DCP1A: variants seen among roughly 807,000 people sequenced by gnomAD.
The protein encoded by DCP1A is decapping mRNA 1A, also known as mRNA-decapping enzyme 1A.
A neutral mutation model predicts 58.0 loss-of-function variants in DCP1A; 20 were observed. The observed-to-expected ratio is 0.34, with a 90% CI of 0.24 to 0.50. The LOEUF (loss-of-function observed/expected upper bound fraction) is 0.50. DCP1A is among the 20% of genes least tolerant of loss of function. The probability of loss-of-function intolerance (pLI) is 0.98; values close to 1 mark genes in which losing one functional copy is unlikely to be tolerated. For synonymous variants in DCP1A, 285 were observed against 275.1 expected (o/e 1.04, Z -0.36); for missense variants, 613 against 712.2 (o/e 0.86, Z 1.59).
intron 3 of DCP1A, among the ~76,000 whole-genome samples, chr3:53,336,020 G>C (rs764436921): frequency 1.3e-5 from 2 of 151,968 alleles, no homozygotes; most frequent in South Asian, 4.1e-4. Flanking sequence ...TGTTGGTCTT[G>C]AACTCCTGGG....
intron 3 of DCP1A, among the ~76,000 whole-genome samples, chr3:53,339,631 A>G (rs200728936): frequency 6.6e-6 from 1 of 152,176 alleles, no homozygotes; most frequent in East Asian, 1.9e-4. Context: ...TTTCCAGACA[A>G]CTGAAGCTCT....
rs782782028 is a variant in DCP1A, at chr3:53,344,910, T to C, written c.168A>G (p.Val56=). Residue 56 remains valine, a synonymous_variant, in exon 2 of 10, where the codon GTA becomes GTG. Coordinates refer to ENST00000610213, the MANE Select transcript of DCP1A (RefSeq NM_018403.7). ...ATATTTTAAAAACTTACCTTCGATA[T>C]ACGAATAAGGTCCCTTCTATATCAG... The part of the protein sequence containing the change: ...EKTDIEGTLF[V]YRRSASPYHG... The C allele has an allele frequency of 1.2e-6, 2 of 1,603,388 alleles. No individual in the cohort carries two copies. The highest frequency in any genetic ancestry group is 1.3e-5 in the African/African-American group (1 of 74,620).
At chr3:53,323,309 A>C (rs546818518) in intron 3 of DCP1A, among the ~76,000 whole-genome samples, 281 of 152,348 alleles carry the variant, frequency 1.8e-3, no homozygotes, top group South Asian at 2.7e-3. Context: ...CTTGTTACAG[A>C]GATAATTATT....
At chr3:53,314,667 CTTTTTTTTTTT>C (rs1167830951) in intron 4 of DCP1A, among the ~76,000 whole-genome samples, 25 of 86,722 alleles carry the variant, frequency 2.9e-4, no homozygotes, top group African/African-American at 1.1e-3. Context: ...TTTTCTTTTT[CTTTTTTTTTTT>C]TTTTTTTTTT....
chr3:53,315,019 TC>T (rs1332156863), intron 4 of DCP1A, among the ~76,000 whole-genome samples: 3 of 152,026 alleles, frequency 2.0e-5, no homozygotes, highest in Non-Finnish European at 4.4e-5. Context: ...GCAGAAGCTG[TC>T]GGGGGTGGTA....
chr3:53,324,205 G>A (rs2106861367), intron 3 of DCP1A, among the ~76,000 whole-genome samples: 1 of 152,294 alleles, frequency 6.6e-6, no homozygotes, highest in Non-Finnish European at 1.5e-5. Context: ...AGATAAGAAA[G>A]CCATAATGAT....
At chr3:53,293,717 A>G (rs927494080) in intron 6 of DCP1A, among the ~76,000 whole-genome samples, 1 of 152,218 alleles carries the variant, frequency 6.6e-6, no homozygotes, top group African/African-American at 2.4e-5. Flanking sequence ...AAAGTCTGTA[A>G]GGCCCCAAAG....
At chr3:53,345,013 T>C in intron 1 of DCP1A, 71 bp from the exon 2 acceptor site, 1 of 1,164,320 alleles carries the variant, frequency 8.6e-7, no homozygotes, top group Non-Finnish European at 1.2e-6. Context: ...CATGGAGAAG[T>C]AATGCTTCAC....
intron 8 of DCP1A, 140 bp from the exon 9 acceptor site, chr3:53,288,423 CAGT>C: frequency 1.6e-6 from 1 of 637,396 alleles, no homozygotes; most frequent in South Asian, 1.9e-5. Context: ...GGTAAACATT[CAGT>C]AGGAACATGT....
chr3:53,288,286 G>C lies in DCP1A; in HGVS notation c.1450-3C>G. On this transcript the variant is annotated splice_polypyrimidine_tract_variant and splice_region_variant and intron_variant, in intron 8 of 9. Transcript: ENST00000610213. The stretch of plus-strand genomic sequence containing the variant: ...GTAACCAGTGGGGCGCCTGCAACCT[G>C]GAGAGTGACAATGGTCATTTTGTAC... 6.2e-7 allele frequency: 1 copy of C among 1,601,808 alleles called. No homozygotes were observed. Among genetic ancestry groups the C allele is most frequent in the Non-Finnish European group, 8.5e-7 (1 of 1,173,968 alleles).
intron 3 of DCP1A, among the ~76,000 whole-genome samples, chr3:53,320,449 T>C (rs1275002633): frequency 6.6e-6 from 1 of 152,170 alleles, no homozygotes; most frequent in Non-Finnish European, 1.5e-5. Context: ...ATTGCTACCA[T>C]GTGGGCCCAT....
chr3:53,286,830 T>G lies in DCP1A; in HGVS notation c.*750A>C, dbSNP rs2106780826. The G allele has an allele frequency of 6.6e-6, 1 of 152,318 alleles. No individual in the cohort carries two copies. Among genetic ancestry groups the G allele is most frequent in the Middle Eastern group, 3.4e-3 (1 of 294 alleles). The allele number at this position is 152,318 out of a possible 1,614,324, so 9.4% of individuals were successfully genotyped here. ...GGAGAGTTTAACCTAAAATGAAGAT[T>G]TGATAGGATGTGGGCATTCCCAGCC... On this transcript the variant is annotated 3_prime_UTR_variant, in exon 10 of 10. Coordinates refer to ENST00000610213, the MANE Select transcript of DCP1A (RefSeq NM_018403.7).
At position 53,312,338 on chromosome 3, in the gene DCP1A, C is replaced by T. The variant is rs782145277; in HGVS notation, c.413G>A (p.Arg138Gln). Residue 138 changes from arginine to glutamine, a missense_variant, in exon 5 of 10, where the codon CGG becomes CAG. Arg to Gln is a conservative substitution (Grantham distance 43). Around this residue, in one of 3 missense-constraint regions of DCP1A, gnomAD observed 498 missense variants for 556.7 expected, o/e 0.89. Coordinates refer to ENST00000610213, the MANE Select transcript of DCP1A (RefSeq NM_018403.7). ...GGCCTGGCTGGGACTCTGTTTGTCCCGAGCAGCTTGCTGGGATCGCCGTGT... is the reference window on the plus strand; with the variant it reads ...GGCCTGGCTGGGACTCTGTTTGTCCTGAGCAGCTTGCTGGGATCGCCGTGT... ...EETRRSQQAA[R>Q]DKQSPSQANG... 7 of 1,612,746 alleles carry T rather than the reference C, an allele frequency of 4.3e-6. No homozygotes were observed. The highest frequency in any genetic ancestry group is 2.2e-5 in the East Asian group (1 of 44,814).
chr3:53,320,757 C>T (rs1707941365), intron 3 of DCP1A, among the ~76,000 whole-genome samples: 2 of 152,268 alleles, frequency 1.3e-5, no homozygotes, highest in South Asian at 4.1e-4. Context: ...CCTTTTATAG[C>T]CCAAATCCAC....
At chr3:53,302,429 A>G (rs74513657) in intron 6 of DCP1A, among the ~76,000 whole-genome samples, 6,185 of 152,294 alleles carry the variant, frequency 0.041, 168 homozygotes, top group Non-Finnish European at 0.063. Flanking sequence ...AAGGCTCATA[A>G]AACTGCCCTT....
chr3:53,329,580 T>A (rs1041025508), intron 3 of DCP1A: 10 of 384,554 alleles, frequency 2.6e-5, no homozygotes, highest in Non-Finnish European at 4.6e-5. Flanking sequence ...AACTCCTTTT[T>A]AAGAAAATTT....
rs1485609547 is a variant in DCP1A at position 53,347,524 on chromosome 3, T to C, written c.-7A>G. On this transcript the variant is annotated 5_prime_UTR_variant, in exon 1 of 10. Coordinates refer to ENST00000610213, the MANE Select transcript of DCP1A (RefSeq NM_018403.7). Reference sequence around the variant, plus strand: ...CTCGACTCAGCGCCTCCATCTTGAATCCCAGAGCCTAGCCCCTCTGGTGGG... The same window carrying C: ...CTCGACTCAGCGCCTCCATCTTGAACCCCAGAGCCTAGCCCCTCTGGTGGG... 1.1e-5 allele frequency: 18 copies of C among 1,608,276 alleles called. No homozygotes were observed. The highest frequency in any genetic ancestry group is 1.7e-5 in the Admixed American group (1 of 59,060).
intron 4 of DCP1A, among the ~76,000 whole-genome samples, chr3:53,317,535 C>T (rs1050099547): frequency 5.3e-5 from 8 of 152,106 alleles, no homozygotes; most frequent in African/African-American, 1.9e-4. Flanking sequence ...AACAAGTGAT[C>T]ATCTAATAAA....
chr3:53,310,585 C>T (rs567403933), intron 5 of DCP1A, among the ~76,000 whole-genome samples: 12 of 152,308 alleles, frequency 7.9e-5, no homozygotes, highest in East Asian at 3.9e-4. Flanking sequence ...GTAGAAAATC[C>T]GCTTGTCATC....
Sources: allele counts gnomAD v4.1 joint callset (sites outside exome capture counted in the v4.1 genomes callset), GRCh38; gene constraint gnomAD v4.1.1; regional missense constraint gnomAD v4.1.1; transcripts MANE v1.5; gene names NCBI Gene and HGNC (gene_info 2026-07-23, HGNC 2026-07-21).